Variants in PDHA1 observed in about 807,000 individuals in gnomAD.
PDHA1 encodes pyruvate dehydrogenase E1 subunit alpha 1.
A neutral mutation model predicts 33.0 loss-of-function variants in PDHA1; 1 was observed. That is an observed-to-expected ratio of 0.03 (90% CI 0.01 to 0.14). The LOEUF is 0.14. PDHA1 is among the 10% of genes least tolerant of loss of function. The pLI is 1.00. For missense variants in PDHA1, 168 were observed against 325.1 expected (o/e 0.52, Z 3.72); for synonymous variants, 123 against 119.2 (o/e 1.03, Z -0.21).
At chrX:19,345,654 G>A (rs1278768657) in intron 1 of PDHA1, 1 of 186,987 alleles carries the variant, frequency 5.3e-6, no homozygotes. Context: ...GTAGTTACGG[G>A]CTCAGAAACA....
At position 19,361,277 on chromosome X, in the gene PDHA1, T is replaced by C. The variant is rs2063283398; in HGVS notation, c.*1624T>C. 2.1e-6 allele frequency: 2 copies of C among 952,427 alleles called. No individual in the cohort carries two copies. The highest frequency in any genetic ancestry group is 4.0e-4 in the Middle Eastern group (1 of 2,513). The allele number at this position is 952,427 out of a possible 1,213,427, so 78.5% of individuals were successfully genotyped here. A position where few individuals can be genotyped will look rare whatever the true frequency, so the allele number is the denominator to read the frequency against. On this transcript the variant is annotated 3_prime_UTR_variant, in exon 11 of 11. Coordinates refer to ENST00000422285, the MANE Select transcript of PDHA1 (RefSeq NM_000284.4). Reference sequence around the variant, plus strand: ...AGGCCCAGCCCTTTGTTTTCTGCTCTTGAAGCATATTCACACATAAAAAGT... The same window carrying C: ...AGGCCCAGCCCTTTGTTTTCTGCTCCTGAAGCATATTCACACATAAAAAGT...
intron 4 of PDHA1, among the ~76,000 whole-genome samples, chrX:19,352,339 A>G (rs1465357106): frequency 1.8e-5 from 2 of 108,854 alleles, no homozygotes. Flanking sequence ...GGTTCAAGCA[A>G]TTCTCCTGCC....
chrX:19,359,945 G>T lies in PDHA1; in HGVS notation c.*292G>T, dbSNP rs2063257945. On this transcript the variant is annotated 3_prime_UTR_variant, in exon 11 of 11. Coordinates refer to ENST00000422285, the MANE Select transcript of PDHA1 (RefSeq NM_000284.4). ...TGTATGCCTGTTTCCCCTGCCCCCA[G>T]CCACCTTTTTGGGAGGAGACCATTA... 3.1e-6 allele frequency: 1 copy of T among 321,474 alleles called. No individual in the cohort carries two copies. Among genetic ancestry groups the T allele is most frequent in the Non-Finnish European group, 5.5e-6 (1 of 181,416 alleles). 26.5% of individuals were successfully genotyped at this position (321,474 alleles called of 1,213,427 possible).
rs763337765 is a variant in PDHA1, at chrX:19,344,018, G to A, written c.-20G>A. The A allele has an allele frequency of 1.7e-6, 2 of 1,205,623 alleles. No individual in the cohort carries two copies. The highest frequency in any genetic ancestry group is 1.1e-6 in the Non-Finnish European group (1 of 892,314). On this transcript the variant is annotated 5_prime_UTR_variant, in exon 1 of 11. Transcript: ENST00000422285. Reference sequence around the variant, plus strand: ...TCCTGGGTTGTGAGGAGTCGCCGCTGCCGCCACTGCCTGTGCTTCATGAGG... The same window carrying A: ...TCCTGGGTTGTGAGGAGTCGCCGCTACCGCCACTGCCTGTGCTTCATGAGG...
chrX:19,353,019 G>A (rs2063173142), intron 4 of PDHA1, 63 bp from the exon 5 acceptor site: 1 of 894,654 alleles, frequency 1.1e-6, no homozygotes, highest in Admixed American at 2.2e-5. Context: ...TATTTGGGGT[G>A]CGGTTTGGTT....
intron 8 of PDHA1, among the ~76,000 whole-genome samples, chrX:19,356,282 C>T: frequency 9.0e-6 from 1 of 111,469 alleles, no homozygotes; most frequent in Non-Finnish European, 1.9e-5. Flanking sequence ...GGTTTCACTT[C>T]CTTTGGCACT....
In PDHA1 at chrX:19,360,500, G is replaced by C. The variant is rs1166103538; in HGVS notation, c.*847G>C. The C allele has an allele frequency of 1.0e-5, 3 of 286,811 alleles. No homozygotes were observed. The highest frequency in any genetic ancestry group is 1.7e-4 in the East Asian group (2 of 12,104). The allele number at this position is 286,811 out of a possible 1,213,427, so 23.6% of individuals were successfully genotyped here. Reference sequence around the variant, plus strand: ...CTCCTGCATAGCTGGGACTACAAGTGAATTTCCTAATATTCCGGGAGGTCA... The same window carrying C: ...CTCCTGCATAGCTGGGACTACAAGTCAATTTCCTAATATTCCGGGAGGTCA... On this transcript the variant is annotated 3_prime_UTR_variant, in exon 11 of 11. Coordinates refer to ENST00000422285, the MANE Select transcript of PDHA1 (RefSeq NM_000284.4).
intron 10 of PDHA1, 119 bp from the exon 11 acceptor site, chrX:19,359,370 G>A: frequency 1.7e-6 from 1 of 585,771 alleles, no homozygotes. Flanking sequence ...TTCTGAATTA[G>A]CAACTGTTCG....
intron 9 of PDHA1, among the ~76,000 whole-genome samples, 195 bp downstream of exon 9, chrX:19,357,914 A>G (rs1047563510): frequency 8.9e-6 from 1 of 112,589 alleles, no homozygotes; most frequent in African/African-American, 3.2e-5. Flanking sequence ...TACAGTGTAT[A>G]GTGTGTGTGA....
At chrX:19,350,379 C>T (rs908609050) in intron 3 of PDHA1, among the ~76,000 whole-genome samples, 3 of 111,453 alleles carry the variant, frequency 2.7e-5, no homozygotes, top group Non-Finnish European at 5.7e-5. Flanking sequence ...AATCCTCCCA[C>T]CTCAGCCTCC....
chrX:19,358,431 G>A (rs1360876917), intron 9 of PDHA1, among the ~76,000 whole-genome samples: 1 of 111,667 alleles, frequency 9.0e-6, no homozygotes. Flanking sequence ...CTTCTTTAGG[G>A]GGACTTAAGG....
At chrX:19,352,752 T>G in intron 4 of PDHA1, 1 of 301,127 alleles carries the variant, frequency 3.3e-6, no homozygotes, top group Non-Finnish European at 6.0e-6. Context: ...TGTTCAAGGA[T>G]TGAATATATT....
At position 19,347,190 on chromosome X, in the gene PDHA1, C is replaced by T. The variant is rs370559794; in HGVS notation, c.58-2122C>T. On this transcript the variant is annotated intron_variant, in intron 1 of 10. Coordinates refer to ENST00000422285, the MANE Select transcript of PDHA1 (RefSeq NM_000284.4). ...GATTATAGGTGTGAGCCATCATGCC[C>T]GGCCTAGTTTTTATTTTTTAAAATT... Among the ~76,000 whole-genome samples, 98 of 111,567 alleles carry T rather than the reference C, an allele frequency of 8.8e-4. No individual in the cohort carries two copies. In the Middle Eastern group the frequency reaches 0.014, roughly 16 times the overall value.
At chrX:19,346,798 T>C (rs971174817) in intron 1 of PDHA1, among the ~76,000 whole-genome samples, 6 of 112,588 alleles carry the variant, frequency 5.3e-5, no homozygotes, top group African/African-American at 1.9e-4. Context: ...TATTTTATTG[T>C]TTGCATTTCT....
At chrX:19,346,917 C>T (rs912614230) in intron 1 of PDHA1, among the ~76,000 whole-genome samples, 39 of 111,566 alleles carry the variant, frequency 3.5e-4, no homozygotes, top group Admixed American at 1.1e-3. Flanking sequence ...AACGTTTTTC[C>T]TCTTTCACAT....
Position 19,360,228 on chromosome X carries a change from T to C in PDHA1, c.*575T>C, listed in dbSNP as rs191995452. 1.1e-3 allele frequency: 153 copies of C among 134,962 alleles called. No individual in the cohort carries two copies. Among genetic ancestry groups the C allele is most frequent in the Non-Finnish European group, 2.0e-3 (137 of 67,786 alleles). 11.1% of individuals were successfully genotyped at this position (134,962 alleles called of 1,213,427 possible). A position where few individuals can be genotyped will look rare whatever the true frequency, so the allele number is the denominator to read the frequency against. On this transcript the variant is annotated 3_prime_UTR_variant, in exon 11 of 11. Coordinates refer to ENST00000422285, the MANE Select transcript of PDHA1 (RefSeq NM_000284.4). ...TTTTCTGTTCATATCAAACATTAACTACAAGGCACATTCGTATCAGTTTTG... is the reference window on the plus strand; with the variant it reads ...TTTTCTGTTCATATCAAACATTAACCACAAGGCACATTCGTATCAGTTTTG...
chrX:19,354,497 C>G lies in PDHA1; in HGVS notation c.517C>G (p.Leu173Val), dbSNP rs921680836. 1.0e-5 allele frequency: 12 copies of G among 1,182,489 alleles called. No individual in the cohort carries two copies. Among genetic ancestry groups the G allele is most frequent in the Non-Finnish European group, 1.3e-5 (11 of 870,807 alleles). Residue 173 changes from leucine (L) to valine (V), a missense_variant, in exon 6 of 11, where the codon CTG becomes GTG. Physicochemically the swap from Leu to Val is conservative, Grantham distance 32 (BLOSUM62 1). This residue lies in a region of PDHA1 where 35 missense variants were observed against 148.5 expected (regional missense o/e 0.24). Coordinates refer to ENST00000422285, the MANE Select transcript of PDHA1 (RefSeq NM_000284.4). ...GNGIVGAQVP[L>V]GAGIALACKY... ...CGGTTGTCCTTAATGTTAGGTGCCC[C>G]TGGGCGCTGGGATTGCTCTAGCCTG... is the stretch of plus-strand genomic sequence containing the variant.
intron 1 of PDHA1, among the ~76,000 whole-genome samples, chrX:19,345,549 G>C (rs189499751): frequency 1.8e-3 from 160 of 87,233 alleles, no homozygotes; most frequent in African/African-American, 7.0e-3. Context: ...CGGCCTGGGC[G>C]ACAAGAGCAA....
chrX:19,350,074 A>G lies in PDHA1; in HGVS notation c.255A>G (p.Lys85=). ...ELKADQLYKQ[K]IIRGFCHLCD... is the part of the protein sequence containing the mutation. ...AAGCAGATCAGCTGTATAAACAGAA[A>G]ATTATTCGTGGTTTCTGTCACTTGT... The change falls in exon 3 of 11, where the codon AAA becomes AAG. Residue 85 remains lysine, a synonymous_variant. Transcript: ENST00000422285. 2 of 1,208,039 alleles carry G rather than the reference A, an allele frequency of 1.7e-6. No individual in the cohort carries two copies. The highest frequency in any genetic ancestry group is 2.2e-6 in the Non-Finnish European group (2 of 892,300).
Sources: allele counts gnomAD v4.1 joint callset (sites outside exome capture counted in the v4.1 genomes callset), GRCh38; gene constraint gnomAD v4.1.1; regional missense constraint gnomAD v4.1.1; transcripts MANE v1.5; gene names NCBI Gene and HGNC (gene_info 2026-07-23, HGNC 2026-07-21).